The following FRMD6 variants were observed in gnomAD, a reference collection of about 807,000 sequenced individuals.
FRMD6 encodes FERM domain containing 6, also known as FERM domain-containing protein 6.
In FRMD6, 37 loss-of-function variants were observed where a neutral mutation model predicts 73.2. That is an observed-to-expected ratio of 0.51 (90% confidence interval 0.39 to 0.66). The LOEUF is 0.66. Among genes scored for constraint, FRMD6 ranks in the 30% least tolerant of loss-of-function variants. The pLI is 0.00. For synonymous variants in FRMD6, 273 were observed against 282.2 expected (o/e 0.97, Z 0.33); for missense variants, 714 against 780.5 (o/e 0.91, Z 1.02).
chr14:51,449,399 T>C, the FRMD6 span, among the ~76,000 whole-genome samples: 1 of 152,204 alleles, frequency 6.6e-6, no homozygotes, highest in African/African-American at 2.4e-5. Flanking sequence ...GGAATCTCAG[T>C]GCACAGTGGA....
chr14:51,448,288 C>T, the FRMD6 span, among the ~76,000 whole-genome samples: 6 of 152,282 alleles, frequency 3.9e-5, no homozygotes, highest in Non-Finnish European at 5.9e-5. Context: ...ACCATTATAG[C>T]AAATATTTCC....
At chr14:51,435,653 G>A in the FRMD6 span, among the ~76,000 whole-genome samples, 13 of 152,262 alleles carry the variant, frequency 8.5e-5, no homozygotes, top group Non-Finnish European at 1.6e-4. Context: ...AGGGTAGAGG[G>A]AAGGGGAGAT....
chr14:51,513,389 G>A (rs1055951039), intron 1 of FRMD6, among the ~76,000 whole-genome samples: 1 of 152,192 alleles, frequency 6.6e-6, no homozygotes, highest in African/African-American at 2.4e-5. Context: ...TCTAATCAGA[G>A]AATTCTGAGG....
chr14:51,634,624 T>C (rs754306034), intron 2 of FRMD6, among the ~76,000 whole-genome samples: 2 of 152,164 alleles, frequency 1.3e-5, no homozygotes. Flanking sequence ...AAAAAAAAGA[T>C]AAATTTACTA....
At chr14:51,627,360 C>T (rs1891157794) in intron 2 of FRMD6, among the ~76,000 whole-genome samples, 1 of 152,150 alleles carries the variant, frequency 6.6e-6, no homozygotes, top group African/African-American at 2.4e-5. Flanking sequence ...TTATAAGTGA[C>T]TGAAAAATAA....
the FRMD6 span, among the ~76,000 whole-genome samples, chr14:51,450,365 T>C: frequency 6.6e-6 from 1 of 152,128 alleles, no homozygotes; most frequent in Non-Finnish European, 1.5e-5. Context: ...CAGACCAGAA[T>C]TTTTTGGGCA....
chr14:51,666,024 C>G (rs1415798584), intron 1 of FRMD6, among the ~76,000 whole-genome samples: 4 of 152,228 alleles, frequency 2.6e-5, no homozygotes, highest in African/African-American at 9.6e-5. Context: ...GACTAATACT[C>G]TATTGTTAGA....
chr14:51,476,984 C>T, the FRMD6 span, among the ~76,000 whole-genome samples: 3 of 152,140 alleles, frequency 2.0e-5, no homozygotes, highest in African/African-American at 4.8e-5. Flanking sequence ...AAGATGAAAG[C>T]GTTCAGCGAG....
chr14:51,426,835 C>T, the FRMD6 span, among the ~76,000 whole-genome samples: 13,156 of 152,126 alleles, frequency 0.086, 603 homozygotes, highest in East Asian at 0.12. Context: ...GGCTCGCAGG[C>T]TGTTGTGAGG....
chr14:51,479,452 A>G, the FRMD6 span, among the ~76,000 whole-genome samples: 1 of 152,206 alleles, frequency 6.6e-6, no homozygotes, highest in South Asian at 2.1e-4. Context: ...GATAAATATG[A>G]GCTTAGTCTC....
At chr14:51,446,743 C>T in the FRMD6 span, among the ~76,000 whole-genome samples, 1 of 152,132 alleles carries the variant, frequency 6.6e-6, no homozygotes. Flanking sequence ...GAAATAAAAC[C>T]TGTGATTGGG....
the FRMD6 span, among the ~76,000 whole-genome samples, chr14:51,447,229 G>A: frequency 2.0e-5 from 3 of 152,102 alleles, no homozygotes; most frequent in African/African-American, 7.2e-5. Flanking sequence ...GGGGAGATGT[G>A]GAGGGACTTG....
chr14:51,643,243 C>T (rs555715036), intron 2 of FRMD6, among the ~76,000 whole-genome samples: 11 of 152,170 alleles, frequency 7.2e-5, no homozygotes, highest in African/African-American at 2.2e-4. Flanking sequence ...GAGTAAGGCT[C>T]GGTTGACCAT....
intron 1 of FRMD6, among the ~76,000 whole-genome samples, chr14:51,670,290 C>A (rs959215372): frequency 3.3e-5 from 5 of 152,090 alleles, no homozygotes; most frequent in African/African-American, 1.2e-4. Flanking sequence ...CACTATGTTG[C>A]CCAGGCTGGC....
At chr14:51,464,598 C>T in the FRMD6 span, among the ~76,000 whole-genome samples, 8 of 152,242 alleles carry the variant, frequency 5.3e-5, no homozygotes, top group East Asian at 1.9e-4. Flanking sequence ...CAAAAACTAC[C>T]GCCACTCGTG....
intron 2 of FRMD6, among the ~76,000 whole-genome samples, chr14:51,697,011 TAAC>T (rs1469305910): frequency 1.3e-5 from 2 of 152,144 alleles, no homozygotes; most frequent in Non-Finnish European, 2.9e-5. Flanking sequence ...AGACAAAAGA[TAAC>T]AAGTGTTGAC....
chr14:51,399,364 T>A, the FRMD6 span, among the ~76,000 whole-genome samples: 1 of 152,170 alleles, frequency 6.6e-6, no homozygotes, highest in East Asian at 1.9e-4. Flanking sequence ...AAATATTAAA[T>A]CTACTACTTT....
chr14:51,413,208 G>A, the FRMD6 span, among the ~76,000 whole-genome samples: 26 of 151,974 alleles, frequency 1.7e-4, no homozygotes, highest in East Asian at 1.9e-4. Context: ...TGTGCACAAC[G>A]TGCAGGTTTG....
chr14:51,413,977 A>T, the FRMD6 span, among the ~76,000 whole-genome samples: 4 of 152,156 alleles, frequency 2.6e-5, no homozygotes, highest in African/African-American at 9.7e-5. Context: ...GTGTCTGTTC[A>T]TATCCTTTGC....
Sources: gnomAD v4.1 joint callset for allele counts (sites outside exome capture counted in the v4.1 genomes callset) on GRCh38, gnomAD v4.1.1 for gene constraint, MANE v1.5 for transcripts, NCBI Gene and HGNC (gene_info 2026-07-23, HGNC 2026-07-21) for gene names.